BCOR: variants seen among roughly 807,000 people sequenced by gnomAD.
The protein encoded by BCOR is BCL6 corepressor.
In BCOR, 10 loss-of-function variants were observed where a neutral mutation model predicts 86.7. The observed-to-expected ratio is 0.12, with a 90% CI of 0.07 to 0.20. BCOR has a LOEUF of 0.20. BCOR is among the 10% of genes least tolerant of loss of function. The pLI, the probability that BCOR is intolerant of heterozygous loss-of-function variation, is 1.00. For missense variants in BCOR, 1,259 were observed against 1,452.1 expected (o/e 0.87, Z 2.16); for synonymous variants, 611 against 609.0 (o/e 1.00, Z -0.05).
chrX:40,072,486 C>G lies in BCOR; in HGVS notation c.2860G>C (p.Val954Leu). 1.2e-5 allele frequency: 15 copies of G among 1,212,010 alleles called. No homozygotes were observed. The highest frequency in any genetic ancestry group is 1.7e-5 in the Non-Finnish European group (15 of 895,573). The part of the protein sequence containing the change: ...ADEAESNDGK[V>L]LKPKPSKLAK... ...AGCTTAGATGGCTTCGGTTTCAGAA[C>G]TTTGCCATCATTTGATTCAGCCTCA... is the stretch of plus-strand genomic sequence containing the variant. The change falls in exon 4 of 15, where the codon GTT (valine) becomes CTT (leucine). Residue 954 changes from valine to leucine, a missense_variant. Physicochemically the swap from Val to Leu is conservative, Grantham distance 32. Around this residue, in one of 7 missense-constraint regions of BCOR, gnomAD observed 534 missense variants for 594.8 expected, o/e 0.90. Transcript: ENST00000378444.
intron 1 of BCOR, among the ~76,000 whole-genome samples, chrX:40,108,004 C>A (rs1456830706): frequency 8.8e-6 from 1 of 113,142 alleles, no homozygotes; most frequent in Non-Finnish European, 1.9e-5. Context: ...GAAAGTCCTT[C>A]TCAACTCCTT....
At chrX:40,110,070 G>T (rs1366485914) in intron 1 of BCOR, among the ~76,000 whole-genome samples, 2 of 112,546 alleles carry the variant, frequency 1.8e-5, no homozygotes, top group African/African-American at 6.5e-5. Flanking sequence ...GAATTCACCC[G>T]GGAGAGGAAG....
At chrX:40,091,559 T>C (rs1300727587) in intron 1 of BCOR, among the ~76,000 whole-genome samples, 2 of 112,719 alleles carry the variant, frequency 1.8e-5, no homozygotes, top group Non-Finnish European at 3.8e-5. Context: ...TACAGAAATA[T>C]CGCAGAAAGG....
rs76373392 is a variant in BCOR at position 40,079,123 on chromosome X, G to T, written c.-40-1154C>A. On this transcript the variant is annotated intron_variant, in intron 1 of 14. Transcript: ENST00000378444. The stretch of plus-strand genomic sequence containing the variant: ...ATCTCAGTGTCCCTTGTCCAGACCG[G>T]CCATGGCATTTTTCCACGGGACCCA... Among the ~76,000 whole-genome samples the T allele has an allele frequency of 5.9e-3, 655 of 111,025 alleles. 30 individuals carry two copies. In the East Asian group the frequency reaches 0.14, roughly 24 times the overall value.
intron 1 of BCOR, among the ~76,000 whole-genome samples, chrX:40,172,267 C>G (rs1479277156): frequency 8.9e-6 from 1 of 112,447 alleles, no homozygotes; most frequent in South Asian, 3.6e-4. Flanking sequence ...CCCCACCGCC[C>G]GGTCCTCTCC....
intron 1 of BCOR, among the ~76,000 whole-genome samples, chrX:40,078,936 T>A (rs1211667686): frequency 9.1e-6 from 1 of 109,735 alleles, no homozygotes. Flanking sequence ...TCACGGCGCG[T>A]GATTTATCCT....
intron 1 of BCOR, among the ~76,000 whole-genome samples, chrX:40,089,469 T>G (rs1336409797): frequency 6.3e-5 from 7 of 111,349 alleles, no homozygotes; most frequent in Non-Finnish European, 1.3e-4. Context: ...AGGCAAAGAG[T>G]GTTTAACACC....
intron 1 of BCOR, among the ~76,000 whole-genome samples, chrX:40,123,301 G>A (rs1461515385): frequency 1.8e-5 from 2 of 110,609 alleles, no homozygotes; most frequent in Non-Finnish European, 3.8e-5. Context: ...CTCCAACAGA[G>A]CAATATGGAG....
Position 40,073,086 on chromosome X carries a change from G to C in BCOR, c.2260C>G (p.Arg754Gly). The C allele has an allele frequency of 8.3e-7, 1 of 1,211,850 alleles. No individual in the cohort carries two copies. The highest frequency in any genetic ancestry group is 1.1e-6 in the Non-Finnish European group (1 of 895,529). ...TTCCGGAGGGTTGGGTCCTCGTAAC[G>C]GGCTCTCTCATGGGACCGGGATCTC... ...ERRSRSHERA[R>G]YEDPTLRNRF... Residue 754 changes from arginine to glycine, a missense_variant, in exon 4 of 15, where the codon CGT becomes GGT. Physicochemically the swap from Arg to Gly is moderately radical, Grantham distance 125. This residue lies in a region of BCOR where 534 missense variants were observed against 594.8 expected (regional missense o/e 0.90). Transcript: ENST00000378444.
At chrX:40,139,429 T>C (rs1173115259) in intron 1 of BCOR, among the ~76,000 whole-genome samples, 2 of 15,390 alleles carry the variant, frequency 1.3e-4, no homozygotes, top group African/African-American at 1.2e-3. Context: ...TATATACATA[T>C]ATATATATAT....
intron 4 of BCOR, 70 bp from the exon 5 acceptor site, chrX:40,071,760 AT>A (rs959760574): frequency 2.3e-5 from 18 of 790,632 alleles, no homozygotes; most frequent in African/African-American, 4.1e-5. Context: ...GCATAAACCA[AT>A]TTTTTTCTTA....
At chrX:40,071,180 G>T in intron 5 of BCOR, 21 bp from the exon 6 acceptor site, 4 of 899,898 alleles carry the variant, frequency 4.4e-6, no homozygotes, top group Non-Finnish European at 3.0e-6. Context: ...AACGGAGATG[G>T]AAAAAAAAAA....
intron 11 of BCOR, among the ~76,000 whole-genome samples, chrX:40,056,773 A>G (rs749027668): frequency 3.3e-4 from 37 of 111,396 alleles, no homozygotes; most frequent in South Asian, 2.6e-3. Context: ...CTGCTGAACC[A>G]GCGGAGGGGC....
chrX:40,097,924 G>A lies in BCOR; in HGVS notation c.-750C>T, dbSNP rs1431750673. Among the ~76,000 whole-genome samples the A allele has an allele frequency of 2.7e-5, 3 of 110,594 alleles. No individual in the cohort carries two copies. Among genetic ancestry groups the A allele is most frequent in the Non-Finnish European group, 3.8e-5 (2 of 52,461 alleles). On this transcript the variant is annotated 5_prime_UTR_variant, in exon 1 of 15. Transcript: ENST00000378444. ...CGCGTTCAGCGAGGAGCGCAGCTCT[G>A]CCTCACCTTGCCGCTGGGAGCCCAG...
chrX:40,155,212 C>T (rs1224096490), intron 1 of BCOR, among the ~76,000 whole-genome samples: 8 of 112,852 alleles, frequency 7.1e-5, no homozygotes, highest in African/African-American at 2.6e-4. Context: ...AATCAGTTTC[C>T]GAAAGGTCAG....
chrX:40,162,090 C>T (rs977798851), intron 1 of BCOR, among the ~76,000 whole-genome samples: 3 of 111,645 alleles, frequency 2.7e-5, no homozygotes, highest in Non-Finnish European at 3.8e-5. Context: ...AGGCCTACCG[C>T]GCCAACATGC....
upstream of BCOR, among the ~76,000 whole-genome samples, chrX:40,098,536 G>A (rs1937000773): frequency 9.0e-6 from 1 of 111,319 alleles, no homozygotes; most frequent in South Asian, 3.8e-4. Context: ...GAAGGCCAGT[G>A]GAGGACCGCA....
chrX:40,165,190 T>C (rs949899734), intron 1 of BCOR, among the ~76,000 whole-genome samples: 1 of 111,525 alleles, frequency 9.0e-6, no homozygotes, highest in Middle Eastern at 4.6e-3. Flanking sequence ...CCAGGCCACA[T>C]TGTGTGGGGT....
chrX:40,129,816 G>A (rs1244673185), intron 1 of BCOR, among the ~76,000 whole-genome samples: 6 of 111,124 alleles, frequency 5.4e-5, no homozygotes, highest in Admixed American at 9.6e-5. Flanking sequence ...TGAGGCAAGC[G>A]GATAGCTTGA....
Sources: gnomAD v4.1 joint callset for allele counts (sites outside exome capture counted in the v4.1 genomes callset) on GRCh38, gnomAD v4.1.1 for gene constraint, gnomAD v4.1.1 regional missense constraint, MANE v1.5 for transcripts, NCBI Gene and HGNC (gene_info 2026-07-23, HGNC 2026-07-21) for gene names.